Variants in RASSF5 observed in about 807,000 individuals in gnomAD.
RASSF5 encodes Ras association domain family member 5.
In RASSF5, 25 loss-of-function variants were observed where a neutral mutation model predicts 40.5. That is an observed-to-expected ratio of 0.62 (90% CI 0.45 to 0.86). RASSF5 has a LOEUF of 0.86. Ranked by LOEUF, RASSF5 falls within the 40% of genes least tolerant of loss-of-function variation. The pLI, the probability that RASSF5 is intolerant of heterozygous loss-of-function variation, is 0.00. For synonymous variants in RASSF5, 246 were observed against 252.4 expected (o/e 0.97, Z 0.24); for missense variants, 521 against 572.8 (o/e 0.91, Z 0.92).
intron 1 of RASSF5, chr1:206,518,281 C>T (rs901833768): frequency 2.5e-6 from 1 of 396,404 alleles, no homozygotes; most frequent in East Asian, 3.6e-5. Context: ...GTCCAGGTGA[C>T]TGTCCAGGTC....
chr1:206,536,217 AG>A (rs1667389499), intron 1 of RASSF5, among the ~76,000 whole-genome samples: 1 of 152,202 alleles, frequency 6.6e-6, no homozygotes, highest in Non-Finnish European at 1.5e-5. Context: ...GGGTGCCTGC[AG>A]GTAGATGGGT....
rs1373016643 is a variant in RASSF5, at chr1:206,560,106, G to T, written c.579+21813G>T. Among the ~76,000 whole-genome samples, 1 of 152,210 alleles carries T rather than the reference G, an allele frequency of 6.6e-6. No homozygotes were observed. The highest frequency in any genetic ancestry group is 1.5e-5 in the Non-Finnish European group (1 of 68,048). On this transcript the variant is annotated intron_variant, in intron 2 of 5. Coordinates refer to ENST00000579436, the MANE Select transcript of RASSF5 (RefSeq NM_182663.4). This position sits in a 1 kb window ranked among gnomAD's most constrained non-coding sequence, Gnocchi z 5.1. ...AGAGATCACGCTTGAGCTCCTAAGA[G>T]AATTTCTTTTTCCTGTCTCCAAGGA...
chr1:206,528,936 A>G, intron 1 of RASSF5: 1 of 618,472 alleles, frequency 1.6e-6, no homozygotes, highest in Non-Finnish European at 2.8e-6. Flanking sequence ...AAAGAAGGCC[A>G]AGGGGAAGAA....
At chr1:206,581,211 A>T (rs1304673385) in intron 2 of RASSF5, 1 of 152,250 alleles carries the variant, frequency 6.6e-6, no homozygotes, top group Admixed American at 6.5e-5. Context: ...GGTATGTGAA[A>T]GTACCCAGCA....
Position 206,579,032 on chromosome 1 carries a change from T to C in RASSF5, c.580-4237T>C, listed in dbSNP as rs1668766122. 6.6e-6 allele frequency among the ~76,000 whole-genome samples: 1 copy of C among 152,120 alleles called. No individual in the cohort carries two copies. The highest frequency in any genetic ancestry group is 2.4e-5 in the African/African-American group (1 of 41,406). On this transcript the variant is annotated intron_variant, in intron 2 of 5. Coordinates refer to ENST00000579436, the MANE Select transcript of RASSF5 (RefSeq NM_182663.4). The surrounding 1 kb of genome is among the most constrained non-coding windows in gnomAD (Gnocchi z 4.2). ...GGAAGCATTAGAGAATCACTCAGGGTCGGGGTGTCGCTGTGAACCCCTAGC... is the reference window on the plus strand; with the variant it reads ...GGAAGCATTAGAGAATCACTCAGGGCCGGGGTGTCGCTGTGAACCCCTAGC...
At chr1:206,550,800 T>C (rs1467477079) in intron 2 of RASSF5, among the ~76,000 whole-genome samples, 1 of 152,216 alleles carries the variant, frequency 6.6e-6, no homozygotes, top group Non-Finnish European at 1.5e-5. Flanking sequence ...AAGATAGCTA[T>C]GGGTGTGAAC....
At chr1:206,537,023 C>T (rs1290168482) in intron 1 of RASSF5, among the ~76,000 whole-genome samples, 1 of 152,144 alleles carries the variant, frequency 6.6e-6, no homozygotes, top group Non-Finnish European at 1.5e-5. Flanking sequence ...CTACCCCCCA[C>T]CCCCGCTCCC....
intron 2 of RASSF5, among the ~76,000 whole-genome samples, chr1:206,559,077 C>T (rs1668072124): frequency 6.6e-6 from 1 of 152,218 alleles, no homozygotes; most frequent in Non-Finnish European, 1.5e-5. Context: ...CTGGTGATAC[C>T]TGGTTCCCAT....
intron 2 of RASSF5, among the ~76,000 whole-genome samples, chr1:206,539,604 C>A (rs1227565375): frequency 1.3e-5 from 2 of 152,174 alleles, no homozygotes; most frequent in African/African-American, 4.8e-5. Flanking sequence ...TTTTAAAACT[C>A]TGCACATCGC....
intron 2 of RASSF5, among the ~76,000 whole-genome samples, chr1:206,573,121 C>A (rs1558518239): frequency 6.6e-6 from 1 of 152,182 alleles, no homozygotes; most frequent in African/African-American, 2.4e-5. Context: ...ACTTTGAGGC[C>A]TGAGATCTCA....
chr1:206,569,082 G>A (rs1485830420), intron 2 of RASSF5, among the ~76,000 whole-genome samples: 3 of 152,236 alleles, frequency 2.0e-5, no homozygotes, highest in Non-Finnish European at 4.4e-5. Context: ...CTCCTGTAGG[G>A]GCCAAGGCAG....
chr1:206,539,388 AG>A (rs1261185192), intron 2 of RASSF5, among the ~76,000 whole-genome samples: 1 of 152,290 alleles, frequency 6.6e-6, no homozygotes, highest in Middle Eastern at 3.4e-3. Flanking sequence ...GAGACTCACG[AG>A]CAGCCCCCCG....
chr1:206,529,351 A>C (rs1667177922), intron 1 of RASSF5: 6 of 764,404 alleles, frequency 7.8e-6, no homozygotes, highest in South Asian at 7.1e-5. Flanking sequence ...TTGGTGGAGA[A>C]TAAGAAAGCT....
chr1:206,534,946 C>G (rs1667340666), intron 1 of RASSF5, among the ~76,000 whole-genome samples: 1 of 152,166 alleles, frequency 6.6e-6, no homozygotes, highest in African/African-American at 2.4e-5. Context: ...AAACTGAGCA[C>G]CTGGCCGGGT....
chr1:206,569,794 A>T (rs1035852697), intron 2 of RASSF5, among the ~76,000 whole-genome samples: 4 of 152,154 alleles, frequency 2.6e-5, no homozygotes, highest in Non-Finnish European at 5.9e-5. Flanking sequence ...CGACTGCAGC[A>T]GCTCCTTTGA....
chr1:206,583,091 A>C lies in RASSF5; in HGVS notation c.580-178A>C, dbSNP rs1668956076. The C allele has an allele frequency of 1.6e-5, 9 of 554,790 alleles. No homozygotes were observed. In the East Asian group the frequency reaches 2.8e-4, roughly 17 times the overall value. 34.4% of individuals were successfully genotyped at this position (554,790 alleles called of 1,614,324 possible). A position where few individuals can be genotyped will look rare whatever the true frequency, so the allele number is the denominator to read the frequency against. On this transcript the variant is annotated intron_variant, in intron 2 of 5. Transcript: ENST00000579436. ...ACTTCTCCAGGAGGGCTGGCTAGACACTGGCACAGCTGCAATTTGACCTCT... is the reference window on the plus strand; with the variant it reads ...ACTTCTCCAGGAGGGCTGGCTAGACCCTGGCACAGCTGCAATTTGACCTCT...
chr1:206,519,659 T>G (rs1259339752), intron 1 of RASSF5, among the ~76,000 whole-genome samples: 5 of 152,140 alleles, frequency 3.3e-5, no homozygotes, highest in Non-Finnish European at 7.4e-5. Context: ...CAAGAATCAG[T>G]GGGGATCTAG....
chr1:206,551,976 G>A (rs1553401090), intron 2 of RASSF5, among the ~76,000 whole-genome samples: 1 of 152,230 alleles, frequency 6.6e-6, no homozygotes, highest in South Asian at 2.1e-4. Flanking sequence ...CACTAGGGAG[G>A]AAAATTAGAA....
chr1:206,555,003 A>C (rs1009978363), intron 2 of RASSF5, among the ~76,000 whole-genome samples: 3 of 152,228 alleles, frequency 2.0e-5, no homozygotes. Flanking sequence ...GTGATGGAAC[A>C]AGTTACTTCC....
Sources: gnomAD v4.1 joint callset for allele counts (sites outside exome capture counted in the v4.1 genomes callset) on GRCh38, gnomAD v4.1.1 for gene constraint, Gnocchi (gnomAD v3.1) non-coding constraint, MANE v1.5 for transcripts, NCBI Gene and HGNC (gene_info 2026-07-23, HGNC 2026-07-21) for gene names.